Variants in IREB2 observed in about 807,000 individuals in gnomAD.
The protein encoded by IREB2 is iron-responsive element-binding protein 2.
In IREB2, 39 loss-of-function variants were observed where a neutral mutation model predicts 118.8. The ratio of observed to expected loss-of-function variants is 0.33; its 90% confidence interval spans 0.25 to 0.43. The LOEUF (loss-of-function observed/expected upper bound fraction) is 0.43, where lower values mean the gene tolerates loss of function less well. Ranked by LOEUF, IREB2 falls within the 20% of genes least tolerant of loss-of-function variation. The pLI, the probability that IREB2 is intolerant of heterozygous loss-of-function variation, is 1.00. For missense variants in IREB2, 900 were observed against 1,147.3 expected (o/e 0.78, Z 3.11); for synonymous variants, 372 against 392.2 (o/e 0.95, Z 0.61).
chr15:78,470,548 A>C lies in IREB2; in HGVS notation c.646A>C (p.Lys216Gln). Reference sequence around the variant, plus strand: ...TCCTTTTAGACCTGAAACAGTGTTAAAAAATCAAGAAGTAGAATTCGGCAG... The same window carrying C: ...TCCTTTTAGACCTGAAACAGTGTTACAAAATCAAGAAGTAGAATTCGGCAG... Reference protein sequence around the residue: ...QPVPEPETVLKNQEVEFGRNR... With the variant: ...QPVPEPETVLQNQEVEFGRNR... Residue 216 changes from lysine (K) to glutamine (Q), a missense_variant, in exon 6 of 22, where the codon AAA becomes CAA. Coordinates refer to ENST00000258886, the MANE Select transcript of IREB2 (RefSeq NM_004136.4). 1 of 1,595,910 alleles carries C rather than the reference A, an allele frequency of 6.3e-7. No homozygotes were observed. Among genetic ancestry groups the C allele is most frequent in the Admixed American group, 1.7e-5 (1 of 59,568 alleles).
chr15:78,465,180 A>C (rs2051260171), intron 3 of IREB2, 71 bp from the exon 4 acceptor site: 1 of 1,238,562 alleles, frequency 8.1e-7, no homozygotes, highest in Non-Finnish European at 1.1e-6. Context: ...TGAAAATGAA[A>C]AAGTTTATCA....
chr15:78,445,713 T>C (rs1446995578), intron 2 of IREB2, among the ~76,000 whole-genome samples: 2 of 152,238 alleles, frequency 1.3e-5, no homozygotes, highest in Non-Finnish European at 2.9e-5. Context: ...TGCTGACCAT[T>C]CTTGTATGTT....
In IREB2 at chr15:78,476,553, T is replaced by C. The variant is rs1252457359; in HGVS notation, c.1195+194T>C. On this transcript the variant is annotated intron_variant, in intron 9 of 21. Coordinates refer to ENST00000258886, the MANE Select transcript of IREB2 (RefSeq NM_004136.4). Reference sequence around the variant, plus strand: ...TCAAACCCTAGTTCCCTGTGACACATTGAAAGCAATTTAAAGGAATTATTC... The same window carrying C: ...TCAAACCCTAGTTCCCTGTGACACACTGAAAGCAATTTAAAGGAATTATTC... The C allele has an allele frequency of 9.8e-6, 4 of 407,296 alleles. No homozygotes were observed. In the East Asian group the frequency reaches 1.1e-4, roughly 11 times the overall value. 25.2% of individuals were successfully genotyped at this position (407,296 alleles called of 1,614,324 possible).
At chr15:78,493,827 T>G in intron 18 of IREB2, 82 bp from the exon 19 acceptor site, 3 of 1,352,082 alleles carry the variant, frequency 2.2e-6, no homozygotes, top group Non-Finnish European at 3.0e-6. Flanking sequence ...GATAAAAAAA[T>G]TTTTCAATAG....
chr15:78,462,245 G>T (rs1399059065), intron 2 of IREB2, among the ~76,000 whole-genome samples: 2 of 152,108 alleles, frequency 1.3e-5, no homozygotes, highest in Non-Finnish European at 2.9e-5. Context: ...GTAATCCATT[G>T]TGTGGATTAC....
At chr15:78,439,610 A>G (rs957189032) in intron 1 of IREB2, among the ~76,000 whole-genome samples, 185 bp from the exon 2 acceptor site, 3 of 152,236 alleles carry the variant, frequency 2.0e-5, no homozygotes, top group Non-Finnish European at 4.4e-5. Context: ...TTCCTCAGGC[A>G]CGATAGCCAC....
intron 5 of IREB2, among the ~76,000 whole-genome samples, chr15:78,466,706 C>T (rs1010627886): frequency 6.6e-6 from 1 of 152,070 alleles, no homozygotes; most frequent in African/African-American, 2.4e-5. Flanking sequence ...ACTAAGAAAG[C>T]AAACTTTTCT....
rs190311007 is a variant in IREB2 at position 78,501,032 on chromosome 15, G to A, written c.*2889G>A. ...AATTATTTGACATTTTTCTGTGGTTGAATAGAAGACACCTTTCTTTTGTCT... is the reference window on the plus strand; with the variant it reads ...AATTATTTGACATTTTTCTGTGGTTAAATAGAAGACACCTTTCTTTTGTCT... On this transcript the variant is annotated 3_prime_UTR_variant, in exon 22 of 22. Coordinates refer to ENST00000258886, the MANE Select transcript of IREB2 (RefSeq NM_004136.4). The A allele has an allele frequency of 6.6e-6, 1 of 152,276 alleles. No homozygotes were observed. The highest frequency in any genetic ancestry group is 6.5e-5 in the Admixed American group (1 of 15,296). The allele number at this position is 152,276 out of a possible 1,614,324, so 9.4% of individuals were successfully genotyped here.
At chr15:78,438,711 C>A (rs1344181136) in intron 1 of IREB2, 3 of 370,814 alleles carry the variant, frequency 8.1e-6, no homozygotes, top group East Asian at 5.3e-5. Context: ...TGCCCGCCCC[C>A]CATTGGCGAG....
chr15:78,449,429 G>A (rs552059236), intron 2 of IREB2, among the ~76,000 whole-genome samples: 4 of 152,304 alleles, frequency 2.6e-5, no homozygotes, highest in Admixed American at 2.0e-4. Context: ...GAGAGGCAAC[G>A]TAAACAAGTG....
intron 2 of IREB2, among the ~76,000 whole-genome samples, chr15:78,442,469 C>T (rs1397644222): frequency 6.6e-6 from 1 of 152,154 alleles, no homozygotes; most frequent in Non-Finnish European, 1.5e-5. Flanking sequence ...ACCTCCATTC[C>T]ACATTTTGAT....
chr15:78,443,507 C>A (rs549662690), intron 2 of IREB2, among the ~76,000 whole-genome samples: 18 of 152,232 alleles, frequency 1.2e-4, no homozygotes, highest in African/African-American at 3.9e-4. Flanking sequence ...CCTTTTGCTT[C>A]CCAAATTTAT....
At chr15:78,453,342 C>A (rs947621900) in intron 2 of IREB2, among the ~76,000 whole-genome samples, 1 of 151,886 alleles carries the variant, frequency 6.6e-6, no homozygotes, top group African/African-American at 2.4e-5. Context: ...TCTAGCTAGA[C>A]CTGCTTCATT....
At chr15:78,477,166 T>G (rs1026820777) in intron 9 of IREB2, among the ~76,000 whole-genome samples, 6 of 152,174 alleles carry the variant, frequency 3.9e-5, no homozygotes, top group Non-Finnish European at 7.3e-5. Flanking sequence ...ACATTCAAAG[T>G]AGAAATGGTT....
chr15:78,478,100 T>G (rs942273847), intron 9 of IREB2, among the ~76,000 whole-genome samples, 197 bp from the exon 10 acceptor site: 1 of 147,290 alleles, frequency 6.8e-6, no homozygotes, highest in Admixed American at 6.7e-5. Flanking sequence ...AAAAAAAAAA[T>G]TAACCAGGCA....
chr15:78,459,059 G>A (rs765971457), intron 2 of IREB2, among the ~76,000 whole-genome samples: 3 of 152,010 alleles, frequency 2.0e-5, no homozygotes, highest in African/African-American at 4.8e-5. Flanking sequence ...CCCAAAGTGC[G>A]GGGATTACAG....
intron 8 of IREB2, chr15:78,475,224 T>C (rs1345054922): frequency 6.6e-6 from 1 of 152,180 alleles, no homozygotes; most frequent in Non-Finnish European, 1.5e-5. Context: ...GTTTCATTCT[T>C]AGTCGCCTCC....
chr15:78,485,571 C>T (rs371793040), intron 12 of IREB2, 134 bp from the exon 13 acceptor site: 3 of 917,918 alleles, frequency 3.3e-6, no homozygotes. Context: ...ATAAAGTGGA[C>T]AAAATAATGA....
At chr15:78,464,028 C>T (rs1468770186) in intron 3 of IREB2, among the ~76,000 whole-genome samples, 3 of 152,198 alleles carry the variant, frequency 2.0e-5, no homozygotes, top group African/African-American at 2.4e-5. Flanking sequence ...TCAGTGCTAC[C>T]TTTTAAATAT....
Sources: gnomAD v4.1 joint callset for allele counts (sites outside exome capture counted in the v4.1 genomes callset) on GRCh38, gnomAD v4.1.1 for gene constraint, MANE v1.5 for transcripts, NCBI Gene and HGNC (gene_info 2026-07-23, HGNC 2026-07-21) for gene names.